The following MGMT variants were observed in gnomAD, a reference collection of about 807,000 sequenced individuals.
MGMT encodes methylated-DNA--protein-cysteine methyltransferase.
MGMT carries 14 observed loss-of-function variants against 15.9 expected under a neutral mutation model. The observed-to-expected ratio is 0.88, with a 90% CI of 0.58 to 1.37. The LOEUF (loss-of-function observed/expected upper bound fraction) is 1.37. Ranked by LOEUF, MGMT falls within the 40% of genes most tolerant of loss-of-function variation. MGMT has a pLI of 0.00. For synonymous variants in MGMT, 130 were observed against 118.2 expected, an observed-to-expected ratio of 1.10 and a Z score of -0.65; for missense variants, 282 against 268.1, an observed-to-expected ratio of 1.05 and a Z score of -0.36.
chr10:129,567,644 A>G (rs943974355), intron 2 of MGMT, among the ~76,000 whole-genome samples: 6 of 152,134 alleles, frequency 3.9e-5, no homozygotes, highest in African/African-American at 9.7e-5. Context: ...TAATAAAAGC[A>G]CGGGTACAGA....
At chr10:129,569,489 G>A (rs774469990) in intron 2 of MGMT, among the ~76,000 whole-genome samples, 21 of 152,166 alleles carry the variant, frequency 1.4e-4, no homozygotes, top group Non-Finnish European at 2.8e-4. Flanking sequence ...CTACCTCAGA[G>A]CCCCTTCCTC....
chr10:129,713,043 A>G (rs1432152788), intron 3 of MGMT, among the ~76,000 whole-genome samples: 2 of 152,214 alleles, frequency 1.3e-5, no homozygotes, highest in Non-Finnish European at 2.9e-5. Flanking sequence ...TGTAGCTTCC[A>G]CATAGATCAC....
rs528020523 is a variant in MGMT, at chr10:129,668,622, C to T, written c.126-39273C>T. On this transcript the variant is annotated intron_variant, in intron 2 of 4. Transcript: ENST00000651593. ...CTATTTGCTTATTCTCCCACCATAC[C>T]GCACTACTTTAATTATTGTAGCTTT... Among the ~76,000 whole-genome samples the T allele has an allele frequency of 4.3e-4, 65 of 152,228 alleles. No homozygotes were observed. The South Asian group carries it at 1.0e-2, about 23-fold the overall frequency.
intron 2 of MGMT, among the ~76,000 whole-genome samples, chr10:129,641,777 A>T (rs532965234): frequency 9.4e-4 from 143 of 152,314 alleles, no homozygotes; most frequent in African/African-American, 3.3e-3. Context: ...ATTAACTAAC[A>T]TAGTCTTCCT....
At chr10:129,724,001 C>T (rs988917752) in intron 3 of MGMT, among the ~76,000 whole-genome samples, 1 of 152,204 alleles carries the variant, frequency 6.6e-6, no homozygotes, top group Non-Finnish European at 1.5e-5. Context: ...ACCCCGCTAC[C>T]CAACAATTCC....
At chr10:129,695,783 G>A (rs1009698139) in intron 2 of MGMT, among the ~76,000 whole-genome samples, 2 of 152,290 alleles carry the variant, frequency 1.3e-5, no homozygotes, top group East Asian at 1.9e-4. Flanking sequence ...TGGAACAGTC[G>A]TGCAGGCGAG....
At chr10:129,598,157 C>T (rs1214740405) in intron 2 of MGMT, among the ~76,000 whole-genome samples, 1 of 152,150 alleles carries the variant, frequency 6.6e-6, no homozygotes, top group Non-Finnish European at 1.5e-5. Flanking sequence ...TGTTCTCATG[C>T]CCAGCCTCAG....
intron 3 of MGMT, among the ~76,000 whole-genome samples, chr10:129,719,652 A>G (rs540294217): frequency 1.3e-5 from 2 of 152,106 alleles, no homozygotes; most frequent in African/African-American, 4.8e-5. Flanking sequence ...GAAGGACACC[A>G]GTCAGATGGG....
intron 2 of MGMT, chr10:129,701,039 T>C (rs546891130): frequency 6.6e-6 from 1 of 152,354 alleles, no homozygotes; most frequent in South Asian, 2.1e-4. Context: ...GGTGGGGTGC[T>C]CACTAGCTGG....
In MGMT at chr10:129,560,971, G is replaced by A. The variant is rs1213073484; in HGVS notation, c.125+24594G>A. ...TAAAGAGCAGTGTGTGTGTGTGTGT[G>A]TGTGTGTGTGTGTGTGTGTGTGTGT... is the stretch of plus-strand genomic sequence containing the variant. On this transcript the variant is annotated intron_variant, in intron 2 of 4. Transcript: ENST00000651593. Among the ~76,000 whole-genome samples the A allele has an allele frequency of 4.3e-5, 5 of 116,568 alleles. No individual in the cohort carries two copies. In the Admixed American group the frequency reaches 4.6e-4, roughly 11 times the overall value. The allele number at this position is 116,568 out of a possible 152,430, so 76.5% of individuals were successfully genotyped here.
intron 2 of MGMT, among the ~76,000 whole-genome samples, chr10:129,578,926 A>G (rs942538880): frequency 6.6e-6 from 1 of 151,246 alleles, no homozygotes; most frequent in Non-Finnish European, 1.5e-5. Flanking sequence ...GGCATTTTAT[A>G]AACTTTAAAG....
At chr10:129,603,348 T>A (rs979621140) in intron 2 of MGMT, among the ~76,000 whole-genome samples, 7 of 152,240 alleles carry the variant, frequency 4.6e-5, no homozygotes, top group Non-Finnish European at 8.8e-5. Flanking sequence ...GCAAGTGAGA[T>A]TCCGGGCAGC....
intron 1 of MGMT, among the ~76,000 whole-genome samples, chr10:129,512,305 C>T (rs1845692632): frequency 6.6e-6 from 1 of 152,194 alleles, no homozygotes; most frequent in Non-Finnish European, 1.5e-5. Flanking sequence ...GCTTTAACTT[C>T]TTCCTAAGGA....
chr10:129,530,943 C>A (rs1207836502), intron 1 of MGMT, among the ~76,000 whole-genome samples: 2 of 152,234 alleles, frequency 1.3e-5, no homozygotes, highest in African/African-American at 4.8e-5. Flanking sequence ...CGAAGTGTGG[C>A]CCCAGCCCTG....
chr10:129,478,418 G>A (rs1486635109), intron 1 of MGMT, among the ~76,000 whole-genome samples: 1 of 152,304 alleles, frequency 6.6e-6, no homozygotes, highest in South Asian at 2.1e-4. Flanking sequence ...GGCCTTGCAA[G>A]ACATTTCTTG....
chr10:129,688,967 T>G (rs1253798712), intron 2 of MGMT, among the ~76,000 whole-genome samples: 1 of 152,062 alleles, frequency 6.6e-6, no homozygotes, highest in African/African-American at 2.4e-5. Flanking sequence ...CTATCTTTTG[T>G]TTGTTTTTGA....
At chr10:129,535,673 A>T (rs1845976507) in intron 1 of MGMT, among the ~76,000 whole-genome samples, 1 of 152,238 alleles carries the variant, frequency 6.6e-6, no homozygotes, top group Non-Finnish European at 1.5e-5. Flanking sequence ...CTTTAAATGT[A>T]AATTAAATGT....
At chr10:129,724,948 A>G (rs1237861026) in intron 3 of MGMT, among the ~76,000 whole-genome samples, 2 of 152,144 alleles carry the variant, frequency 1.3e-5, no homozygotes, top group East Asian at 3.9e-4. Context: ...TACTGAGTGC[A>G]CTCTCAGTTT....
At chr10:129,740,276 G>A (rs964105298) in intron 3 of MGMT, among the ~76,000 whole-genome samples, 1 of 152,104 alleles carries the variant, frequency 6.6e-6, no homozygotes, top group African/African-American at 2.4e-5. Flanking sequence ...GGCCCTGGGT[G>A]CCTGGGCCTG....
Sources: allele counts gnomAD v4.1 joint callset (sites outside exome capture counted in the v4.1 genomes callset), GRCh38; gene constraint gnomAD v4.1.1; transcripts MANE v1.5; gene names NCBI Gene and HGNC (gene_info 2026-07-23, HGNC 2026-07-21).